C2orf80: variants seen among roughly 807,000 people sequenced by gnomAD.
The protein encoded by C2orf80 is chromosome 2 open reading frame 80.
A neutral mutation model predicts 30.2 loss-of-function variants in C2orf80; 28 were observed. That is an observed-to-expected ratio of 0.93 (90% CI 0.69 to 1.27). The LOEUF is 1.27. Among genes scored for constraint, C2orf80 ranks in the 50% most tolerant of loss-of-function variants. C2orf80 has a pLI of 0.00. For synonymous variants in C2orf80, 80 were observed against 76.4 expected (o/e 1.05, Z -0.24); for missense variants, 220 against 231.0 (o/e 0.95, Z 0.31).
intron 6 of C2orf80, 45 bp downstream of exon 6, chr2:208,180,700 T>A (rs1348063814): frequency 7.1e-7 from 1 of 1,413,446 alleles, no homozygotes; most frequent in African/African-American, 1.4e-5. Flanking sequence ...CTAAATAAAT[T>A]ATCTCTAAAA....
chr2:208,175,464 A>T (rs987895731), intron 6 of C2orf80, among the ~76,000 whole-genome samples: 5 of 152,190 alleles, frequency 3.3e-5, no homozygotes, highest in Non-Finnish European at 7.4e-5. Flanking sequence ...ACCCGAGGCT[A>T]ACAGAGTAGG....
intron 2 of C2orf80, among the ~76,000 whole-genome samples, chr2:208,186,400 C>T (rs1574376734): frequency 6.6e-6 from 1 of 152,132 alleles, no homozygotes; most frequent in Non-Finnish European, 1.5e-5. Flanking sequence ...CTTTCACCAA[C>T]ATTTGTTAAG....
chr2:208,179,940 C>T (rs1357081956), intron 6 of C2orf80, among the ~76,000 whole-genome samples: 1 of 151,968 alleles, frequency 6.6e-6, no homozygotes, highest in East Asian at 1.9e-4. Flanking sequence ...ACTGGATTAC[C>T]AGGAATTTGA....
In C2orf80 at chr2:208,187,053, G is replaced by T; in HGVS notation, c.-67C>A. 1 of 1,463,600 alleles carries T rather than the reference G, an allele frequency of 6.8e-7. No individual in the cohort carries two copies. The highest frequency in any genetic ancestry group is 9.6e-7 in the Non-Finnish European group (1 of 1,044,600). The allele number at this position is 1,463,600 out of a possible 1,614,324, so 90.7% of individuals were successfully genotyped here. A position where few individuals can be genotyped will look rare whatever the true frequency, so the allele number is the denominator to read the frequency against. Reference sequence around the variant, plus strand: ...CTACACTTAGACCCAGCTTCTCTGAGTCTAGAGGCTACAGCAGCAAATCAG... The same window carrying T: ...CTACACTTAGACCCAGCTTCTCTGATTCTAGAGGCTACAGCAGCAAATCAG... On this transcript the variant is annotated 5_prime_UTR_variant, in exon 2 of 9. Transcript: ENST00000341287.
rs145581284 is a variant in C2orf80, at chr2:208,171,617, G to A, written c.454+371C>T. On this transcript the variant is annotated intron_variant, in intron 7 of 8. Coordinates refer to ENST00000341287, the MANE Select transcript of C2orf80 (RefSeq NM_001099334.3). ...ATTACAGGCATGAGCCACTGTGCCCGGCTTATTTTTGTAGGGATGAAGTTT... is the reference window on the plus strand; with the variant it reads ...ATTACAGGCATGAGCCACTGTGCCCAGCTTATTTTTGTAGGGATGAAGTTT... 1.9e-4 allele frequency among the ~76,000 whole-genome samples: 29 copies of A among 152,076 alleles called. No homozygotes were observed. In the East Asian group the frequency reaches 5.6e-3, roughly 29 times the overall value.
Position 208,189,998 on chromosome 2 carries a change from G to A in C2orf80, c.-121C>T, listed in dbSNP as rs1394389357. The A allele has an allele frequency of 2.8e-6, 2 of 702,804 alleles. No individual in the cohort carries two copies. Among genetic ancestry groups the A allele is most frequent in the Admixed American group, 2.0e-5 (1 of 49,990 alleles). 43.5% of individuals were successfully genotyped at this position (702,804 alleles called of 1,614,324 possible). ...TGCTTTTGTTCTTTCTCTGCTTCTG[G>A]AGGCATGCTGAAGCATCCGCGCATC... On this transcript the variant is annotated 5_prime_UTR_variant, in exon 1 of 9. Transcript: ENST00000341287.
Position 208,190,015 on chromosome 2 carries a change from C to T in C2orf80, c.-138G>A, listed in dbSNP as rs1254804418. The T allele has an allele frequency of 4.3e-6, 3 of 702,808 alleles. No individual in the cohort carries two copies. The highest frequency in any genetic ancestry group is 5.2e-6 in the Non-Finnish European group (2 of 384,864). The allele number at this position is 702,808 out of a possible 1,614,324, so 43.5% of individuals were successfully genotyped here. A position where few individuals can be genotyped will look rare whatever the true frequency, so the allele number is the denominator to read the frequency against. On this transcript the variant is annotated 5_prime_UTR_variant, in exon 1 of 9. Transcript: ENST00000341287. ...TGCTTCTGGAGGCATGCTGAAGCAT[C>T]CGCGCATCTCAGACTGGTGCTCACA... is the stretch of plus-strand genomic sequence containing the variant.
At chr2:208,187,668 G>A (rs550604941) in intron 1 of C2orf80, among the ~76,000 whole-genome samples, 11 of 152,080 alleles carry the variant, frequency 7.2e-5, no homozygotes, top group Non-Finnish European at 1.3e-4. Context: ...GGTACACAGG[G>A]AGAGGTATAA....
At chr2:208,176,676 C>G (rs971516055) in intron 6 of C2orf80, among the ~76,000 whole-genome samples, 1 of 151,956 alleles carries the variant, frequency 6.6e-6, no homozygotes, top group Non-Finnish European at 1.5e-5. Flanking sequence ...TTCATTCCCA[C>G]GACAACCCCA....
At chr2:208,173,444 GA>G (rs1696172230) in intron 6 of C2orf80, among the ~76,000 whole-genome samples, 1 of 152,022 alleles carries the variant, frequency 6.6e-6, no homozygotes, top group African/African-American at 2.4e-5. Flanking sequence ...ATAACACTGT[GA>G]AAACCCGTGT....
At chr2:208,179,300 A>G (rs1360956680) in intron 6 of C2orf80, among the ~76,000 whole-genome samples, 1 of 152,246 alleles carries the variant, frequency 6.6e-6, no homozygotes, top group Non-Finnish European at 1.5e-5. Flanking sequence ...GTTTCAATGT[A>G]AACACTTGAC....
At chr2:208,173,305 A>G (rs1343877720) in intron 6 of C2orf80, among the ~76,000 whole-genome samples, 2 of 152,118 alleles carry the variant, frequency 1.3e-5, no homozygotes, top group Non-Finnish European at 2.9e-5. Flanking sequence ...AAGACATTAA[A>G]TGACACATTT....
At chr2:208,169,889 T>C (rs1432468368) in intron 8 of C2orf80, among the ~76,000 whole-genome samples, 1 of 152,128 alleles carries the variant, frequency 6.6e-6, no homozygotes, top group Non-Finnish European at 1.5e-5. Context: ...AAGAATTCAA[T>C]CAGTTCCTAA....
chr2:208,175,478 G>A (rs1462610335), intron 6 of C2orf80, among the ~76,000 whole-genome samples: 5 of 152,164 alleles, frequency 3.3e-5, no homozygotes, highest in African/African-American at 1.2e-4. Context: ...GAGTAGGTGA[G>A]CAATCCCGCG....
At chr2:208,183,867 G>C (rs1041038800) in intron 3 of C2orf80, among the ~76,000 whole-genome samples, 1 of 152,174 alleles carries the variant, frequency 6.6e-6, no homozygotes, top group East Asian at 1.9e-4. Context: ...TAATTCCTAA[G>C]AGTTCTTGTT....
At chr2:208,188,085 CGT>C (rs139478315) in intron 1 of C2orf80, among the ~76,000 whole-genome samples, 6,079 of 144,098 alleles carry the variant, frequency 0.042, 207 homozygotes, top group African/African-American at 0.098. Flanking sequence ...TATACTGCAC[CGT>C]GTGTGTGTGT....
At chr2:208,180,601 G>C in intron 6 of C2orf80, 144 bp downstream of exon 6, 1 of 628,232 alleles carries the variant, frequency 1.6e-6, no homozygotes, top group South Asian at 2.3e-5. Context: ...ATTCAAGTAA[G>C]AAATGGTTAT....
rs144097865 is a variant in C2orf80 at position 208,175,697 on chromosome 2, A to C, written c.367-3622T>G. Reference sequence around the variant, plus strand: ...GACATTTTATCGGAAGGAATCATTCAGATATATGTAGCAATTAAAGAAGAA... The same window carrying C: ...GACATTTTATCGGAAGGAATCATTCCGATATATGTAGCAATTAAAGAAGAA... On this transcript the variant is annotated intron_variant, in intron 6 of 8. Coordinates refer to ENST00000341287, the MANE Select transcript of C2orf80 (RefSeq NM_001099334.3). Among the ~76,000 whole-genome samples, 38 of 152,230 alleles carry C rather than the reference A, an allele frequency of 2.5e-4. 1 individual carries two copies. In the East Asian group the frequency reaches 6.9e-3, roughly 28 times the overall value.
intron 1 of C2orf80, among the ~76,000 whole-genome samples, chr2:208,188,688 A>G (rs953189069): frequency 9.9e-5 from 15 of 152,090 alleles, no homozygotes; most frequent in African/African-American, 3.4e-4. Context: ...TGACCTTGTA[A>G]TCCACCTGCC....
Sources: gnomAD v4.1 joint callset for allele counts (sites outside exome capture counted in the v4.1 genomes callset) on GRCh38, gnomAD v4.1.1 for gene constraint, MANE v1.5 for transcripts, NCBI Gene and HGNC (gene_info 2026-07-23, HGNC 2026-07-21) for gene names.